USP48: variants seen among roughly 807,000 people sequenced by gnomAD.
The protein encoded by USP48 is ubiquitin specific peptidase 48, also known as ubiquitin carboxyl-terminal hydrolase 48.
In USP48, 43 loss-of-function variants were observed where a neutral mutation model predicts 150.7. The observed-to-expected ratio is 0.29, with a 90% CI of 0.22 to 0.37. The LOEUF (loss-of-function observed/expected upper bound fraction) is 0.37, where lower values mean the gene tolerates loss of function less well. Ranked by LOEUF, USP48 falls within the 10% of genes least tolerant of loss-of-function variation. The pLI is 1.00. For synonymous variants in USP48, 396 were observed against 425.9 expected (o/e 0.93, Z 0.86); for missense variants, 813 against 1,249.6 (o/e 0.65, Z 5.27).
Position 21,753,105 on chromosome 1 carries a change from T to A in USP48, c.427A>T (p.Thr143Ser). 6.2e-7 allele frequency: 1 copy of A among 1,606,254 alleles called. No homozygotes were observed. The highest frequency in any genetic ancestry group is 8.5e-7 in the Non-Finnish European group (1 of 1,178,100). The change falls in exon 4 of 27, where the codon ACA (threonine) becomes TCA (serine). Residue 143 changes from threonine to serine, a missense_variant. By Grantham distance (58) the Thr-to-Ser change is moderately conservative (BLOSUM62 1). Coordinates refer to ENST00000308271, the MANE Select transcript of USP48 (RefSeq NM_032236.8). Reference protein sequence around the residue: ...IQEEKDYEPQTICEHLQYLFA... With the variant: ...IQEEKDYEPQSICEHLQYLFA... The stretch of plus-strand genomic sequence containing the variant: ...AAGTACTGGAGATGCTCACAAATTG[T>A]TTGAGGCTCATAATCTATTAAAACA...
At chr1:21,760,169 A>C (rs2097846569) in intron 1 of USP48, among the ~76,000 whole-genome samples, 1 of 152,202 alleles carries the variant, frequency 6.6e-6, no homozygotes, top group African/African-American at 2.4e-5. Flanking sequence ...ATACAAAATA[A>C]GTCAGTGTCA....
intron 8 of USP48, among the ~76,000 whole-genome samples, chr1:21,738,559 C>T (rs1436905701): frequency 6.7e-6 from 1 of 148,546 alleles, no homozygotes; most frequent in Middle Eastern, 3.6e-3. Flanking sequence ...GGTTTCACCA[C>T]GTTGGCCAAG....
chr1:21,730,550 C>T (rs2097754157), intron 9 of USP48, among the ~76,000 whole-genome samples: 1 of 151,494 alleles, frequency 6.6e-6, no homozygotes, highest in African/African-American at 2.4e-5. Context: ...AAAAATTAGT[C>T]GGGCATGTTG....
chr1:21,764,431 CCT>C (rs974786243), intron 1 of USP48, among the ~76,000 whole-genome samples: 3 of 145,880 alleles, frequency 2.1e-5, no homozygotes, highest in Admixed American at 2.1e-4. Flanking sequence ...AGAGAGAGAC[CCT>C]GTCTCCAAAA....
intron 1 of USP48, among the ~76,000 whole-genome samples, chr1:21,770,428 T>C (rs1218415936): frequency 6.6e-6 from 1 of 151,356 alleles, no homozygotes; most frequent in Non-Finnish European, 1.5e-5. Flanking sequence ...TTGATCTTGG[T>C]GGTAGATATG....
At chr1:21,759,692 T>C (rs1028816719) in intron 1 of USP48, among the ~76,000 whole-genome samples, 7 of 152,154 alleles carry the variant, frequency 4.6e-5, no homozygotes, top group Non-Finnish European at 1.0e-4. Flanking sequence ...AAATGAGTAA[T>C]AGGATTATAA....
rs1255205234 is a variant in USP48, at chr1:21,694,593, AAAAAAAAAAAAAAAC to A, written c.2883+458_2883+472del. ...TCACCAAAAAAAAAAAAAAAAAAAA[AAAAAAAAAAAAAAAC>A]CCCCTCTATCTATCAAATAGATTTA... On this transcript the variant is annotated intron_variant, in intron 23 of 26. Coordinates refer to ENST00000308271, the MANE Select transcript of USP48 (RefSeq NM_032236.8). 1.7e-3 allele frequency among the ~76,000 whole-genome samples: 209 copies of A among 125,746 alleles called. 5 individuals are homozygous for A. The highest frequency in any genetic ancestry group is 3.5e-3 in the Middle Eastern group (1 of 284). 82.5% of individuals were successfully genotyped at this position (125,746 alleles called of 152,430 possible). A position where few individuals can be genotyped will look rare whatever the true frequency, so the allele number is the denominator to read the frequency against.
At chr1:21,727,368 C>G (rs567883423) in intron 11 of USP48, among the ~76,000 whole-genome samples, 1 of 152,252 alleles carries the variant, frequency 6.6e-6, no homozygotes, top group East Asian at 1.9e-4. Context: ...AGAACATAAG[C>G]ATATTCTAAG....
At chr1:21,729,486 A>G (rs115576163) in intron 10 of USP48, among the ~76,000 whole-genome samples, 32 of 152,274 alleles carry the variant, frequency 2.1e-4, no homozygotes, top group African/African-American at 6.5e-4. Flanking sequence ...CTTTAAATAC[A>G]TGTTTTGATT....
intron 11 of USP48, 34 bp downstream of exon 11, chr1:21,728,536 T>C: frequency 1.3e-6 from 2 of 1,582,848 alleles, no homozygotes; most frequent in Non-Finnish European, 8.6e-7. Context: ...AGGCACTTAA[T>C]GGCAACAGTG....
intron 9 of USP48, among the ~76,000 whole-genome samples, chr1:21,730,683 A>G (rs1295757866): frequency 6.6e-6 from 1 of 152,016 alleles, no homozygotes. Context: ...ACTCTGCCTC[A>G]AAAAAATAAA....
chr1:21,781,098 C>A (rs1222334403), intron 1 of USP48, among the ~76,000 whole-genome samples: 1 of 149,770 alleles, frequency 6.7e-6, no homozygotes, highest in Non-Finnish European at 1.5e-5. Context: ...ATTTATCCAG[C>A]GTCTCACGAC....
intron 1 of USP48, among the ~76,000 whole-genome samples, chr1:21,763,357 A>C (rs2097854486): frequency 6.6e-6 from 1 of 152,218 alleles, no homozygotes; most frequent in Non-Finnish European, 1.5e-5. Context: ...CTATGGCCAC[A>C]CTTCAGGTGG....
At chr1:21,713,552 T>G (rs2097696157) in intron 15 of USP48, among the ~76,000 whole-genome samples, 1 of 152,164 alleles carries the variant, frequency 6.6e-6, no homozygotes, top group Non-Finnish European at 1.5e-5. Context: ...GTCAGTGAGC[T>G]AAGGAGCACG....
intron 3 of USP48, among the ~76,000 whole-genome samples, chr1:21,753,462 C>T (rs906521660): frequency 6.6e-6 from 1 of 150,946 alleles, no homozygotes; most frequent in Non-Finnish European, 1.5e-5. Context: ...GGCTGAGACA[C>T]GAGCATCTAT....
intron 10 of USP48, among the ~76,000 whole-genome samples, chr1:21,729,423 T>C (rs2097750568): frequency 6.6e-6 from 1 of 152,228 alleles, no homozygotes; most frequent in Non-Finnish European, 1.5e-5. Context: ...TATAGATAAT[T>C]AAATAAAATT....
In USP48 at chr1:21,757,682, T is replaced by C. The variant is rs766633960; in HGVS notation, c.236A>G (p.Asn79Ser). The C allele has an allele frequency of 3.1e-6, 5 of 1,612,980 alleles. No individual in the cohort carries two copies. Among genetic ancestry groups the C allele is most frequent in the Non-Finnish European group, 4.2e-6 (5 of 1,179,622 alleles). Residue 79 changes from asparagine (N) to serine (S), a missense_variant, in exon 2 of 27, where the codon AAC (asparagine) becomes AGC (serine). By Grantham distance (46) the Asn-to-Ser change is conservative (BLOSUM62 1). Coordinates refer to ENST00000308271, the MANE Select transcript of USP48 (RefSeq NM_032236.8). ...ENSFHNIDDP[N>S]CERRKKNSFV... ...GTTTACCTTTTTTCTCCTCTCACAG[T>C]TGGGATCATCGATGTTATGAAAACT...
In USP48 at chr1:21,715,452, A is replaced by T. The variant is rs765399766; in HGVS notation, c.1900T>A (p.Ser634Thr). 2.2e-5 allele frequency: 34 copies of T among 1,568,738 alleles called. No homozygotes were observed. Among genetic ancestry groups the T allele is most frequent in the Non-Finnish European group, 2.7e-5 (31 of 1,141,034 alleles). The part of the protein sequence containing the change: ...MNGSTLNKDE[S>T]KEERKEEEEL... Reference sequence around the variant, plus strand: ...TCCTCTTCTTTTCTTTCTTCCTTTGATTCATCTAATCAAAAGAAATACAAA... The same window carrying T: ...TCCTCTTCTTTTCTTTCTTCCTTTGTTTCATCTAATCAAAAGAAATACAAA... Residue 634 changes from serine (S) to threonine (T), a missense_variant, in exon 15 of 27, where the codon TCA (serine) becomes ACA (threonine). Ser to Thr is a moderately conservative substitution (Grantham distance 58). Coordinates refer to ENST00000308271, the MANE Select transcript of USP48 (RefSeq NM_032236.8).
chr1:21,694,593 A>AAAAAAT (rs2097618115), intron 23 of USP48, among the ~76,000 whole-genome samples: 1 of 125,678 alleles, frequency 8.0e-6, no homozygotes, highest in African/African-American at 2.7e-5. Flanking sequence ...AAAAAAAAAA[A>AAAAAAT]AAAAAAAAAA....
Sources: allele counts gnomAD v4.1 joint callset (sites outside exome capture counted in the v4.1 genomes callset), GRCh38; gene constraint gnomAD v4.1.1; transcripts MANE v1.5; gene names NCBI Gene and HGNC (gene_info 2026-07-23, HGNC 2026-07-21).